STT3B: variants seen among roughly 807,000 people sequenced by gnomAD.
The protein encoded by STT3B is dolichyl-diphosphooligosaccharide--protein glycosyltransferase subunit STT3B.
A neutral mutation model predicts 96.8 loss-of-function variants in STT3B; 29 were observed. The observed-to-expected ratio is 0.30, with a 90% CI of 0.22 to 0.41. The LOEUF is 0.41. Among genes scored for constraint, STT3B ranks in the 10% least tolerant of loss-of-function variants. The pLI, the probability that STT3B is intolerant of heterozygous loss-of-function variation, is 1.00. For synonymous variants in STT3B, 367 were observed against 360.0 expected (o/e 1.02, Z -0.22); for missense variants, 640 against 1,022.3 (o/e 0.63, Z 5.10).
At chr3:31,572,765 G>C (rs1201991317) in intron 1 of STT3B, among the ~76,000 whole-genome samples, 1 of 152,106 alleles carries the variant, frequency 6.6e-6, no homozygotes, top group Non-Finnish European at 1.5e-5. Flanking sequence ...GGAGGCTGTG[G>C]TCAGAGAATC....
At chr3:31,590,079 T>C (rs1313241745) in intron 3 of STT3B, among the ~76,000 whole-genome samples, 6 of 151,964 alleles carry the variant, frequency 3.9e-5, no homozygotes, top group Admixed American at 1.3e-4. Flanking sequence ...ATATGTATCT[T>C]TTTAAAAGTT....
intron 1 of STT3B, among the ~76,000 whole-genome samples, chr3:31,548,273 G>A (rs1354486285): frequency 6.6e-6 from 1 of 152,010 alleles, no homozygotes; most frequent in Non-Finnish European, 1.5e-5. Context: ...CAAGTAGTTT[G>A]GCAAAAAGAT....
At chr3:31,618,791 G>A (rs1699366241) in intron 8 of STT3B, among the ~76,000 whole-genome samples, 1 of 151,954 alleles carries the variant, frequency 6.6e-6, no homozygotes, top group Non-Finnish European at 1.5e-5. Flanking sequence ...GATCACTAAC[G>A]AATTTGAAGG....
Position 31,636,175 on chromosome 3 carries a change from C to A in STT3B, c.*111C>A. 2 of 748,516 alleles carry A rather than the reference C, an allele frequency of 2.7e-6. No homozygotes were observed. The highest frequency in any genetic ancestry group is 4.0e-6 in the Non-Finnish European group (2 of 494,240). 46.4% of individuals were successfully genotyped at this position (748,516 alleles called of 1,614,324 possible). ...AGAGGGTACAGAACCATCACTGGTC[C>A]AGGTTAATGTACAAAATTTTCTGGC... On this transcript the variant is annotated 3_prime_UTR_variant, in exon 16 of 16. Transcript: ENST00000295770.
intron 14 of STT3B, among the ~76,000 whole-genome samples, chr3:31,631,425 G>A (rs1006337406): frequency 6.6e-6 from 1 of 152,108 alleles, no homozygotes; most frequent in Non-Finnish European, 1.5e-5. Context: ...GCTTGTTTCT[G>A]ATTAGTTTCT....
intron 8 of STT3B, among the ~76,000 whole-genome samples, chr3:31,618,433 A>T (rs1699358475): frequency 6.6e-6 from 1 of 151,842 alleles, no homozygotes. Flanking sequence ...TGTGAAACAC[A>T]AGAGAATATA....
intron 2 of STT3B, among the ~76,000 whole-genome samples, chr3:31,577,593 T>A (rs1698290562): frequency 6.6e-6 from 1 of 152,164 alleles, no homozygotes. Flanking sequence ...TGGCTTAGGA[T>A]ATATCCAAAT....
At chr3:31,585,519 G>A (rs1310560022) in intron 3 of STT3B, among the ~76,000 whole-genome samples, 1 of 152,042 alleles carries the variant, frequency 6.6e-6, no homozygotes, top group African/African-American at 2.4e-5. Flanking sequence ...AGATAAAGTA[G>A]TACAAGGAGC....
At chr3:31,623,974 TTTTTAATTTTTTA>T in intron 11 of STT3B, 113 bp downstream of exon 11, 1 of 895,334 alleles carries the variant, frequency 1.1e-6, no homozygotes, top group Non-Finnish European at 1.6e-6. Context: ...CATTTGCTTG[TTTTTAATTTTTTA>T]TTTTAATTTT....
At chr3:31,602,040 C>T (rs1489128850) in intron 5 of STT3B, among the ~76,000 whole-genome samples, 2 of 152,104 alleles carry the variant, frequency 1.3e-5, no homozygotes, top group East Asian at 1.9e-4. Context: ...TGGAGTTCCA[C>T]TTGAGTCCAG....
At chr3:31,591,720 GATT>G (rs750821387) in intron 3 of STT3B, among the ~76,000 whole-genome samples, 1 of 151,950 alleles carries the variant, frequency 6.6e-6, no homozygotes, top group Non-Finnish European at 1.5e-5. Flanking sequence ...TAACAATACA[GATT>G]ATATTTATAT....
chr3:31,626,010 A>C lies in STT3B; in HGVS notation c.1956A>C (p.Leu652=). ...ETAAYKIMRT[L]DVDYVLVIFG... ...CAGCCTATAAAATCATGAGGACTCTAGATGTAGATTATGTTTTGGTTATTT... is the reference window on the plus strand; with the variant it reads ...CAGCCTATAAAATCATGAGGACTCTCGATGTAGATTATGTTTTGGTTATTT... The change falls in exon 13 of 16, where the codon CTA becomes CTC. Residue 652 remains leucine (L), a synonymous_variant. Coordinates refer to ENST00000295770, the MANE Select transcript of STT3B (RefSeq NM_178862.3). 6.2e-7 allele frequency: 1 copy of C among 1,613,698 alleles called. No individual in the cohort carries two copies. Among genetic ancestry groups the C allele is most frequent in the Non-Finnish European group, 8.5e-7 (1 of 1,179,744 alleles).
chr3:31,543,033 T>A (rs913152110), intron 1 of STT3B, among the ~76,000 whole-genome samples: 11 of 125,284 alleles, frequency 8.8e-5, no homozygotes, highest in African/African-American at 3.4e-4. Context: ...GCCACTGCAC[T>A]CCAGACTGGG....
chr3:31,569,976 A>G (rs537494261), intron 1 of STT3B, among the ~76,000 whole-genome samples: 22 of 152,160 alleles, frequency 1.4e-4, no homozygotes, highest in Non-Finnish European at 2.8e-4. Flanking sequence ...ACCCTTCATT[A>G]TGGAAAATTT....
At chr3:31,610,006 G>A (rs992977340) in intron 5 of STT3B, among the ~76,000 whole-genome samples, 2 of 152,164 alleles carry the variant, frequency 1.3e-5, no homozygotes, top group Non-Finnish European at 2.9e-5. Flanking sequence ...TTTATAATGA[G>A]CATTGTCCTT....
chr3:31,584,894 C>G (rs892733446), intron 3 of STT3B, among the ~76,000 whole-genome samples: 15 of 151,978 alleles, frequency 9.9e-5, no homozygotes, highest in African/African-American at 3.6e-4. Flanking sequence ...TGATGACATT[C>G]ATTTAAAATT....
chr3:31,558,570 G>A (rs1697779628), intron 1 of STT3B, among the ~76,000 whole-genome samples: 1 of 152,108 alleles, frequency 6.6e-6, no homozygotes, highest in African/African-American at 2.4e-5. Flanking sequence ...TCTTTTTGAT[G>A]TACTGTTGGA....
At chr3:31,634,332 G>A (rs375824457) in intron 15 of STT3B, among the ~76,000 whole-genome samples, 40 of 152,268 alleles carry the variant, frequency 2.6e-4, no homozygotes, top group African/African-American at 9.4e-4. Context: ...TGCAAAAAGA[G>A]GGCTGTTGAA....
chr3:31,565,449 A>T (rs1021602757), intron 1 of STT3B, among the ~76,000 whole-genome samples: 1 of 152,174 alleles, frequency 6.6e-6, no homozygotes, highest in Non-Finnish European at 1.5e-5. Context: ...CATTTTTTTG[A>T]TAATGAAGTG....
Sources: allele counts gnomAD v4.1 joint callset (sites outside exome capture counted in the v4.1 genomes callset), GRCh38; gene constraint gnomAD v4.1.1; transcripts MANE v1.5; gene names NCBI Gene and HGNC (gene_info 2026-07-23, HGNC 2026-07-21).